BORCS5: variants seen among roughly 807,000 people sequenced by gnomAD.
The protein encoded by BORCS5 is BLOC-1 related complex subunit 5.
A neutral mutation model predicts 22.1 loss-of-function variants in BORCS5; 17 were observed. The ratio of observed to expected loss-of-function variants is 0.77; its 90% CI spans 0.53 to 1.15. The LOEUF is 1.15. BORCS5 is among the 50% of genes most tolerant of loss of function. The pLI is 0.00. For synonymous variants in BORCS5, 117 were observed against 99.8 expected (o/e 1.17, Z -1.03); for missense variants, 247 against 253.2 (o/e 0.98, Z 0.17).
intron 3 of BORCS5, among the ~76,000 whole-genome samples, chr12:12,457,294 T>A (rs1357586036): frequency 6.6e-6 from 1 of 152,264 alleles, no homozygotes; most frequent in Non-Finnish European, 1.5e-5. Flanking sequence ...ATCAGTCATC[T>A]GCAGAAGCAA....
intron 3 of BORCS5, among the ~76,000 whole-genome samples, chr12:12,444,607 T>G (rs1592132841): frequency 6.6e-6 from 1 of 152,206 alleles, no homozygotes; most frequent in East Asian, 1.9e-4. Context: ...TGAACATCTG[T>G]GTCATCTTCG....
At chr12:12,369,496 C>T (rs1301486872) in intron 2 of BORCS5, among the ~76,000 whole-genome samples, 21 of 151,600 alleles carry the variant, frequency 1.4e-4, no homozygotes. Flanking sequence ...TTTCCTGCTT[C>T]CTTGCATTAC....
intron 1 of BORCS5, among the ~76,000 whole-genome samples, 179 bp from the exon 2 acceptor site, chr12:12,361,027 T>C (rs1487143753): frequency 6.6e-6 from 1 of 152,208 alleles, no homozygotes. Flanking sequence ...GGCTCCAGCC[T>C]GAGCTTTTAA....
At chr12:12,440,688 G>A (rs1378482849) in intron 3 of BORCS5, among the ~76,000 whole-genome samples, 2 of 151,534 alleles carry the variant, frequency 1.3e-5, no homozygotes, top group Non-Finnish European at 2.9e-5. Context: ...AGTCTTAGAA[G>A]AAAATTAACT....
chr12:12,458,411 A>C (rs1350746963), intron 3 of BORCS5, among the ~76,000 whole-genome samples: 1 of 152,192 alleles, frequency 6.6e-6, no homozygotes, highest in Admixed American at 6.5e-5. Flanking sequence ...TTGAATTATA[A>C]GAGTTATTGA....
rs750100115 is a variant in BORCS5, at chr12:12,456,759, G to C, written c.361-8787G>C. Among the ~76,000 whole-genome samples the C allele has an allele frequency of 4.0e-5, 6 of 151,860 alleles. No homozygotes were observed. The East Asian group carries it at 1.2e-3, about 29-fold the overall frequency. On this transcript the variant is annotated intron_variant, in intron 3 of 3. Transcript: ENST00000314565. ...GGTAAATAATGATTTCAGTTATTACGTAGTGCGAAATGATTCTATCAGGAA... is the reference window on the plus strand; with the variant it reads ...GGTAAATAATGATTTCAGTTATTACCTAGTGCGAAATGATTCTATCAGGAA...
chr12:12,412,441 G>A (rs1413970814), intron 2 of BORCS5, among the ~76,000 whole-genome samples: 2 of 152,110 alleles, frequency 1.3e-5, no homozygotes, highest in African/African-American at 2.4e-5. Context: ...GAATAGAAAT[G>A]CAACTGATTT....
intron 3 of BORCS5, among the ~76,000 whole-genome samples, chr12:12,440,038 A>G (rs1411998074): frequency 6.6e-6 from 1 of 152,234 alleles, no homozygotes; most frequent in East Asian, 1.9e-4. Context: ...AGGGAACTTA[A>G]TAACCATGGA....
intron 2 of BORCS5, among the ~76,000 whole-genome samples, chr12:12,411,724 G>C (rs183341362): frequency 6.6e-6 from 1 of 152,152 alleles, no homozygotes; most frequent in Non-Finnish European, 1.5e-5. Flanking sequence ...CTCACTATAG[G>C]AAACTATAGT....
intron 3 of BORCS5, among the ~76,000 whole-genome samples, chr12:12,448,802 C>T (rs550655893): frequency 6.6e-6 from 1 of 152,328 alleles, no homozygotes; most frequent in East Asian, 1.9e-4. Context: ...GCTGGGATTA[C>T]AGGCGTGAGC....
At chr12:12,389,092 A>G (rs1000615483) in intron 2 of BORCS5, among the ~76,000 whole-genome samples, 1 of 149,038 alleles carries the variant, frequency 6.7e-6, no homozygotes. Context: ...GATATTAACT[A>G]TCTCTGGCCA....
At chr12:12,424,056 C>T (rs761057212) in intron 2 of BORCS5, among the ~76,000 whole-genome samples, 11 of 152,042 alleles carry the variant, frequency 7.2e-5, no homozygotes, top group Non-Finnish European at 1.2e-4. Context: ...GTTTGTTGAG[C>T]TTCTTGGATG....
intron 2 of BORCS5, among the ~76,000 whole-genome samples, chr12:12,378,504 A>C (rs1863704134): frequency 6.6e-6 from 1 of 152,238 alleles, no homozygotes; most frequent in Admixed American, 6.5e-5. Context: ...ATATTATTAA[A>C]TGAGGAAAAA....
intron 3 of BORCS5, among the ~76,000 whole-genome samples, chr12:12,442,127 C>T (rs890832861): frequency 1.3e-5 from 2 of 152,198 alleles, no homozygotes; most frequent in Non-Finnish European, 2.9e-5. Flanking sequence ...GTGGCAAATA[C>T]GCAGCCCCAG....
chr12:12,364,596 T>A (rs1384781529), intron 2 of BORCS5, among the ~76,000 whole-genome samples: 3 of 50,608 alleles, frequency 5.9e-5, no homozygotes, highest in Non-Finnish European at 1.8e-4. Context: ...TCAGCTGTAA[T>A]TCGTTTTATG....
intron 3 of BORCS5, among the ~76,000 whole-genome samples, chr12:12,459,249 C>G (rs1592143397): frequency 6.6e-6 from 1 of 151,890 alleles, no homozygotes; most frequent in Non-Finnish European, 1.5e-5. Context: ...TCAATTTAAC[C>G]ATTTTTATTT....
Position 12,439,573 on chromosome 12 carries a change from A to C in BORCS5, c.360+3788A>C, listed in dbSNP as rs546696752. On this transcript the variant is annotated intron_variant, in intron 3 of 3. Coordinates refer to ENST00000314565, the MANE Select transcript of BORCS5 (RefSeq NM_058169.6). ...AGCTCAGGAGGCAGAGGTTGCGGTGAGCCGAGATCTCCACTCCAGTCTGGG... is the reference window on the plus strand; with the variant it reads ...AGCTCAGGAGGCAGAGGTTGCGGTGCGCCGAGATCTCCACTCCAGTCTGGG... Among the ~76,000 whole-genome samples, 5 of 101,308 alleles carry C rather than the reference A, an allele frequency of 4.9e-5. No homozygotes were observed. The South Asian group carries it at 1.6e-3, about 33-fold the overall frequency. The allele number at this position is 101,308 out of a possible 152,430, so 66.5% of individuals were successfully genotyped here.
chr12:12,447,667 A>G (rs1248493244), intron 3 of BORCS5, among the ~76,000 whole-genome samples: 1 of 152,184 alleles, frequency 6.6e-6, no homozygotes, highest in Non-Finnish European at 1.5e-5. Context: ...TTACCCACGC[A>G]CCACTGCTAA....
chr12:12,453,748 C>A (rs554641749), intron 3 of BORCS5, among the ~76,000 whole-genome samples: 67 of 152,246 alleles, frequency 4.4e-4, no homozygotes, highest in South Asian at 1.7e-3. Flanking sequence ...AGTATTCTTG[C>A]AAGATTGTGC....
Sources: gnomAD v4.1 joint callset for allele counts (sites outside exome capture counted in the v4.1 genomes callset) on GRCh38, gnomAD v4.1.1 for gene constraint, MANE v1.5 for transcripts, NCBI Gene and HGNC (gene_info 2026-07-23, HGNC 2026-07-21) for gene names.